Variants in PCLO observed in about 807,000 individuals in gnomAD.
PCLO encodes the protein protein piccolo.
PCLO carries 82 observed loss-of-function variants against 427.5 expected under a neutral mutation model. The ratio of observed to expected loss-of-function variants is 0.19; its 90% CI spans 0.16 to 0.23. PCLO has a LOEUF of 0.23. Among genes scored for constraint, PCLO ranks in the 10% least tolerant of loss-of-function variants. The pLI, the probability that PCLO is intolerant of heterozygous loss-of-function variation, is 1.00. For missense variants in PCLO, 6,239 were observed against 6,115.9 expected, an observed-to-expected ratio of 1.02 and a Z score of -0.67; for synonymous variants, 2,357 against 2,155.4, an observed-to-expected ratio of 1.09 and a Z score of -2.59.
At chr7:83,034,255 C>G (rs1788738868) in intron 3 of PCLO, among the ~76,000 whole-genome samples, 1 of 152,140 alleles carries the variant, frequency 6.6e-6, no homozygotes. Context: ...GTAGCATGAT[C>G]TCAGATCACT....
Position 82,835,712 on chromosome 7 carries a change from C to G in PCLO, c.14223-19G>C. On this transcript the variant is annotated intron_variant, in intron 15 of 24. Coordinates refer to ENST00000333891, the MANE Select transcript of PCLO (RefSeq NM_033026.6). ...GACTTGACTGCATTGATTCCAAGAG[C>G]GAGAGTGAAGGGGTAAAACAGGAAA... 1 of 1,603,540 alleles carries G rather than the reference C, an allele frequency of 6.2e-7. No individual in the cohort carries two copies. The highest frequency in any genetic ancestry group is 8.5e-7 in the Non-Finnish European group (1 of 1,173,178).
At chr7:82,942,727 A>T (rs1795114248) in intron 6 of PCLO, among the ~76,000 whole-genome samples, 1 of 152,128 alleles carries the variant, frequency 6.6e-6, no homozygotes, top group Non-Finnish European at 1.5e-5. Flanking sequence ...TTTGTATTTT[A>T]ATTTTAAAAC....
chr7:82,946,014 A>G (rs2116401518), intron 6 of PCLO, among the ~76,000 whole-genome samples: 1 of 152,348 alleles, frequency 6.6e-6, no homozygotes, highest in African/African-American at 2.4e-5. Flanking sequence ...TCATAAAATC[A>G]CTAGACTACT....
intron 3 of PCLO, among the ~76,000 whole-genome samples, chr7:83,096,939 TTATATATTATATAAATAATATAATATAA>T (rs1790576838): frequency 1.7e-5 from 1 of 58,296 alleles, no homozygotes. Context: ...ATATAATATA[TTATATATTATATAAATAATATAATATAA>T]TATATTATAT....
At chr7:82,902,422 G>A (rs1249343195) in intron 9 of PCLO, among the ~76,000 whole-genome samples, 1 of 151,700 alleles carries the variant, frequency 6.6e-6, no homozygotes, top group Non-Finnish European at 1.5e-5. Flanking sequence ...ACTGGGGCCT[G>A]TTGTGGGGTG....
At chr7:82,883,133 TATA>T (rs1793548837) in intron 9 of PCLO, among the ~76,000 whole-genome samples, 1 of 152,108 alleles carries the variant, frequency 6.6e-6, no homozygotes, top group Non-Finnish European at 1.5e-5. Flanking sequence ...GTTGATTTTT[TATA>T]ATAAAGTTAT....
chr7:82,953,976 A>C lies in PCLO; in HGVS notation c.6977T>G (p.Leu2326Trp). ...GCTACTTTTTGTTCGTTCGGCCTCC[A>C]ACTCCTTTTTATCTCTGTAAGCTTC... Reference protein sequence around the residue: ...VLEAYRDKKELEAERTKSSLS... With the variant: ...VLEAYRDKKEWEAERTKSSLS... The change falls in exon 5 of 25, where the codon TTG (leucine) becomes TGG (tryptophan). Residue 2326 changes from leucine to tryptophan, a missense_variant. By Grantham distance (61) the Leu-to-Trp change is moderately conservative. Coordinates refer to ENST00000333891, the MANE Select transcript of PCLO (RefSeq NM_033026.6). The C allele has an allele frequency of 6.2e-7, 1 of 1,613,950 alleles. No individual in the cohort carries two copies. Among genetic ancestry groups the C allele is most frequent in the Non-Finnish European group, 8.5e-7 (1 of 1,179,868 alleles).
At chr7:82,913,126 C>T (rs1006071467) in intron 7 of PCLO, among the ~76,000 whole-genome samples, 1 of 151,878 alleles carries the variant, frequency 6.6e-6, no homozygotes, top group Non-Finnish European at 1.5e-5. Flanking sequence ...AAATAAAAAA[C>T]CCACAAATTG....
chr7:83,051,131 C>T (rs1237772742), intron 3 of PCLO, among the ~76,000 whole-genome samples: 1 of 152,072 alleles, frequency 6.6e-6, no homozygotes, highest in African/African-American at 2.4e-5. Context: ...GAAACTAAGA[C>T]ACTATTCCCA....
At chr7:82,805,942 A>G in intron 20 of PCLO, 113 bp from the exon 21 acceptor site, 1 of 1,024,912 alleles carries the variant, frequency 9.8e-7, no homozygotes, top group Non-Finnish European at 1.4e-6. Context: ...ACAGCTACTG[A>G]AGAACTCTAC....
At chr7:82,793,762 T>A (rs767186771) in intron 22 of PCLO, among the ~76,000 whole-genome samples, 2 of 152,208 alleles carry the variant, frequency 1.3e-5, no homozygotes, top group Non-Finnish European at 2.9e-5. Flanking sequence ...ATGGCTATTG[T>A]CTTTAGATTC....
chr7:83,132,920 T>TA (rs1413120324), intron 3 of PCLO, among the ~76,000 whole-genome samples: 21 of 151,976 alleles, frequency 1.4e-4, no homozygotes, highest in South Asian at 8.3e-4. Context: ...GTTTTTGGTT[T>TA]TACTTTTACA....
At chr7:82,769,678 A>T (rs1790607996) in intron 22 of PCLO, among the ~76,000 whole-genome samples, 1 of 152,158 alleles carries the variant, frequency 6.6e-6, no homozygotes, top group South Asian at 2.1e-4. Context: ...GCGTAAGAAA[A>T]AAAGCAGAGT....
chr7:82,902,783 A>G (rs766506984), intron 8 of PCLO, 42 bp from the exon 9 acceptor site: 2 of 972,172 alleles, frequency 2.1e-6, no homozygotes, highest in East Asian at 4.8e-5. Flanking sequence ...AGCATTAAAG[A>G]CACTTAAAGT....
At chr7:83,135,842 G>C (rs1791714004) in intron 2 of PCLO, among the ~76,000 whole-genome samples, 186 bp from the exon 3 acceptor site, 1 of 152,102 alleles carries the variant, frequency 6.6e-6, no homozygotes. Flanking sequence ...GCTCATGCCT[G>C]TAATCCCAGC....
At chr7:83,145,728 T>G (rs1250872494) in intron 2 of PCLO, among the ~76,000 whole-genome samples, 1 of 152,190 alleles carries the variant, frequency 6.6e-6, no homozygotes, top group Non-Finnish European at 1.5e-5. Context: ...CAATTTTAAT[T>G]TCAGAGCCCT....
At chr7:82,997,439 T>C (rs1787653762) in intron 3 of PCLO, among the ~76,000 whole-genome samples, 1 of 152,036 alleles carries the variant, frequency 6.6e-6, no homozygotes, top group African/African-American at 2.4e-5. Context: ...AAAATTACTT[T>C]TGTCTTTCTT....
intron 15 of PCLO, among the ~76,000 whole-genome samples, chr7:82,836,164 A>G (rs532674749): frequency 2.5e-4 from 38 of 152,160 alleles, no homozygotes; most frequent in Non-Finnish European, 4.9e-4. Flanking sequence ...TCTAATTGAC[A>G]CATATCCTGT....
intron 20 of PCLO, chr7:82,822,146 A>G (rs1416668560): frequency 2.8e-6 from 3 of 1,054,622 alleles, no homozygotes; most frequent in Non-Finnish European, 3.4e-6. Flanking sequence ...ACTTGTGCTT[A>G]TAATTTCTGT....
Sources: gnomAD v4.1 joint callset for allele counts (sites outside exome capture counted in the v4.1 genomes callset) on GRCh38, gnomAD v4.1.1 for gene constraint, MANE v1.5 for transcripts, NCBI Gene and HGNC (gene_info 2026-07-23, HGNC 2026-07-21) for gene names.